CPXM2: variants seen among roughly 807,000 people sequenced by gnomAD.
CPXM2 encodes the protein inactive carboxypeptidase-like protein X2.
A neutral mutation model predicts 86.1 loss-of-function variants in CPXM2; 66 were observed. The ratio of observed to expected loss-of-function variants is 0.77; its 90% confidence interval spans 0.63 to 0.94. The LOEUF is 0.94. CPXM2 is among the 40% of genes least tolerant of loss of function. The pLI is 0.00. For missense variants in CPXM2, 948 were observed against 1,026.3 expected (o/e 0.92, Z 1.04); for synonymous variants, 388 against 400.2 (o/e 0.97, Z 0.36).
At chr10:123,831,120 C>CA (rs1848158347) in intron 4 of CPXM2, among the ~76,000 whole-genome samples, 1 of 152,166 alleles carries the variant, frequency 6.6e-6, no homozygotes, top group Admixed American at 6.5e-5. Flanking sequence ...TTACCTCCAG[C>CA]AAAAATATCT....
rs3069582 is a variant in CPXM2, at chr10:123,901,429, T to TTGTGTGTGTGTGTGTGTGTG, written n.175-21140_175-21121dup. On this transcript the variant is annotated intron_variant and non_coding_transcript_variant, in intron 2 of 19. Transcript: ENST00000368854. ...TTGTTTTCCTTCCATCCAAGCAAGTTTGTGTGTGTGTGTGTGTGTGTGTGT... is the reference window on the plus strand; with the variant it reads ...TTGTTTTCCTTCCATCCAAGCAAGTTTGTGTGTGTGTGTGTGTGTGTGTGTGTGTGTGTGTGTGTGTGTGT... Among the ~76,000 whole-genome samples the TTGTGTGTGTGTGTGTGTGTG allele has an allele frequency of 1.4e-3, 189 of 139,032 alleles. 3 individuals are homozygous for TTGTGTGTGTGTGTGTGTGTG. Among genetic ancestry groups the TTGTGTGTGTGTGTGTGTGTG allele is most frequent in the Middle Eastern group, 3.6e-3 (1 of 276 alleles). 91.2% of individuals were successfully genotyped at this position (139,032 alleles called of 152,430 possible). A position where few individuals can be genotyped will look rare whatever the true frequency, so the allele number is the denominator to read the frequency against.
chr10:123,939,021 C>T (rs954668028), intron 2 of CPXM2, among the ~76,000 whole-genome samples: 1 of 152,204 alleles, frequency 6.6e-6, no homozygotes, highest in Non-Finnish European at 1.5e-5. Flanking sequence ...ACCCCTCTCC[C>T]TCCTCTGGAG....
chr10:123,828,033 T>C (rs1461414262), intron 4 of CPXM2, among the ~76,000 whole-genome samples: 1 of 152,014 alleles, frequency 6.6e-6, no homozygotes, highest in Non-Finnish European at 1.5e-5. Flanking sequence ...TAGCCAGATG[T>C]TGTGGTGCAT....
intron 2 of CPXM2, among the ~76,000 whole-genome samples, chr10:123,867,021 G>A (rs1199000247): frequency 2.0e-5 from 3 of 152,182 alleles, no homozygotes; most frequent in Admixed American, 6.5e-5. Context: ...CCTAACACAC[G>A]GCGCCATGCC....
chr10:123,915,749 G>A (rs1482421547), intron 2 of CPXM2, among the ~76,000 whole-genome samples: 11 of 152,080 alleles, frequency 7.2e-5, no homozygotes, highest in South Asian at 2.1e-4. Flanking sequence ...TCAATAGTGC[G>A]CATTCATGTA....
chr10:123,943,060 C>T (rs1217120312), upstream of CPXM2, among the ~76,000 whole-genome samples: 1 of 152,138 alleles, frequency 6.6e-6, no homozygotes, highest in Non-Finnish European at 1.5e-5. Context: ...GTAGACTATA[C>T]CATCCAGGTT....
At chr10:123,832,187 CT>C (rs1848181120) in intron 4 of CPXM2, among the ~76,000 whole-genome samples, 1 of 152,202 alleles carries the variant, frequency 6.6e-6, no homozygotes, top group Non-Finnish European at 1.5e-5. Flanking sequence ...AAATTAAATG[CT>C]TTCATGGGCC....
At chr10:123,856,326 T>G (rs1448028856) in intron 3 of CPXM2, among the ~76,000 whole-genome samples, 1 of 152,228 alleles carries the variant, frequency 6.6e-6, no homozygotes, top group Non-Finnish European at 1.5e-5. Context: ...TGCTTACTAC[T>G]GCAATCTGTT....
chr10:123,893,290 G>A (rs115710542), upstream of CPXM2, among the ~76,000 whole-genome samples: 2,269 of 152,290 alleles, frequency 0.015, 43 homozygotes, highest in African/African-American at 0.051. Context: ...CTGAGTCAGG[G>A]CACCAGGGCA....
chr10:123,911,146 T>G (rs1945485022), intron 2 of CPXM2, among the ~76,000 whole-genome samples: 2 of 152,208 alleles, frequency 1.3e-5, no homozygotes, highest in African/African-American at 4.8e-5. Context: ...GAGTTAGGAC[T>G]TCAACATATC....
At chr10:123,900,088 C>G (rs1038728032) in intron 2 of CPXM2, among the ~76,000 whole-genome samples, 5 of 152,178 alleles carry the variant, frequency 3.3e-5, no homozygotes, top group Admixed American at 6.5e-5. Context: ...GTCACCCAGG[C>G]TGAAGTGTAG....
chr10:123,763,538 C>T (rs569904527), intron 10 of CPXM2, among the ~76,000 whole-genome samples: 3 of 151,226 alleles, frequency 2.0e-5, no homozygotes, highest in African/African-American at 7.3e-5. Context: ...GGTTTACTTG[C>T]TTTTGATCTA....
At chr10:123,871,261 C>T (rs1368111764) in intron 2 of CPXM2, among the ~76,000 whole-genome samples, 3 of 152,224 alleles carry the variant, frequency 2.0e-5, no homozygotes, top group African/African-American at 7.2e-5. Flanking sequence ...GTCTGTCTCC[C>T]TGAACAGGCT....
chr10:123,914,138 G>T (rs1212223585), intron 2 of CPXM2: 1 of 455,436 alleles, frequency 2.2e-6, no homozygotes, highest in Non-Finnish European at 4.4e-6. Flanking sequence ...GAGGAAATGA[G>T]CATGGCCAAG....
At chr10:123,794,217 T>C (rs1847272524) in intron 6 of CPXM2, among the ~76,000 whole-genome samples, 1 of 152,150 alleles carries the variant, frequency 6.6e-6, no homozygotes, top group Non-Finnish European at 1.5e-5. Context: ...CCAAGAACCC[T>C]GGACATCTCA....
intron 3 of CPXM2, among the ~76,000 whole-genome samples, chr10:123,850,128 C>T (rs1204721184): frequency 6.6e-6 from 1 of 152,216 alleles, no homozygotes; most frequent in Non-Finnish European, 1.5e-5. Flanking sequence ...GTCCTTTTAA[C>T]TGTCATATAG....
intron 4 of CPXM2, among the ~76,000 whole-genome samples, chr10:123,836,044 G>A (rs1008892193): frequency 2.6e-5 from 4 of 152,004 alleles, no homozygotes; most frequent in Admixed American, 6.6e-5. Context: ...CTTCCTTTCC[G>A]CTTCTGCTAG....
intron 4 of CPXM2, among the ~76,000 whole-genome samples, chr10:123,817,476 C>A (rs181551665): frequency 1.3e-5 from 2 of 152,166 alleles, no homozygotes; most frequent in Non-Finnish European, 2.9e-5. Flanking sequence ...GTAAACTGAA[C>A]ATTTGTCTAT....
intron 6 of CPXM2, among the ~76,000 whole-genome samples, chr10:123,791,767 C>T (rs1847212257): frequency 6.6e-6 from 1 of 152,226 alleles, no homozygotes. Flanking sequence ...TACAAGGACC[C>T]TGTTTCTAAA....
Sources: gnomAD v4.1 joint callset for allele counts (sites outside exome capture counted in the v4.1 genomes callset) on GRCh38, gnomAD v4.1.1 for gene constraint, MANE v1.5 for transcripts, NCBI Gene and HGNC (gene_info 2026-07-23, HGNC 2026-07-21) for gene names.